The following SLC35D1 variants were observed in gnomAD, a reference collection of about 807,000 sequenced individuals.
SLC35D1 encodes nucleotide sugar transporter SLC35D1.
SLC35D1 carries 31 observed loss-of-function variants against 46.7 expected under a neutral mutation model. The ratio of observed to expected loss-of-function variants is 0.66; its 90% CI spans 0.50 to 0.90. The LOEUF is 0.90. Ranked by LOEUF, SLC35D1 falls within the 40% of genes least tolerant of loss-of-function variation. SLC35D1 has a pLI of 0.00. For synonymous variants in SLC35D1, 195 were observed against 164.6 expected, an observed-to-expected ratio of 1.18 and a Z score of -1.41; for missense variants, 397 against 426.2, an observed-to-expected ratio of 0.93 and a Z score of 0.60.
In SLC35D1 at chr1:67,002,743, CCTAA is replaced by C. The variant is rs1051118173; in HGVS notation, c.*1593_*1596del. 18 of 152,328 alleles carry C rather than the reference CCTAA, an allele frequency of 1.2e-4. No individual in the cohort carries two copies. The highest frequency in any genetic ancestry group is 2.6e-4 in the African/African-American group (11 of 41,522). The allele number at this position is 152,328 out of a possible 1,614,324, so 9.4% of individuals were successfully genotyped here. A position where few individuals can be genotyped will look rare whatever the true frequency, so the allele number is the denominator to read the frequency against. On this transcript the variant is annotated 3_prime_UTR_variant, in exon 12 of 12. Transcript: ENST00000235345. ...TTTGCATATCAAAAAAAATCAAAAC[CCTAA>C]CTGTTTAGGTCAACAGAGTCCAGTG...
the SLC35D1 span, among the ~76,000 whole-genome samples, chr1:66,976,085 C>T: frequency 5.9e-5 from 9 of 152,132 alleles, no homozygotes; most frequent in African/African-American, 2.2e-4. Flanking sequence ...CCCCCACCCC[C>T]ACCCCCTGCT....
chr1:66,989,180 C>A, the SLC35D1 span, among the ~76,000 whole-genome samples: 1 of 152,206 alleles, frequency 6.6e-6, no homozygotes, highest in South Asian at 2.1e-4. Flanking sequence ...TCTTGTCATT[C>A]ACTGTTCCAT....
At chr1:66,991,528 A>C in the SLC35D1 span, among the ~76,000 whole-genome samples, 1 of 152,232 alleles carries the variant, frequency 6.6e-6, no homozygotes, top group African/African-American at 2.4e-5. Flanking sequence ...AGTGTTTCTG[A>C]ACCACTGTCA....
the SLC35D1 span, among the ~76,000 whole-genome samples, chr1:66,991,983 C>A: frequency 6.6e-6 from 1 of 152,038 alleles, no homozygotes; most frequent in Non-Finnish European, 1.5e-5. Flanking sequence ...AAATGGGATA[C>A]CTTAAAGGGA....
At chr1:67,036,310 T>C (rs1421679017) in intron 8 of SLC35D1, among the ~76,000 whole-genome samples, 1 of 152,166 alleles carries the variant, frequency 6.6e-6, no homozygotes, top group Non-Finnish European at 1.5e-5. Flanking sequence ...TGTATTGGGA[T>C]CTATCTCTCT....
At chr1:67,047,771 C>T (rs1645267179) in intron 6 of SLC35D1, among the ~76,000 whole-genome samples, 1 of 152,188 alleles carries the variant, frequency 6.6e-6, no homozygotes, top group African/African-American at 2.4e-5. Context: ...TGAAGGTCCA[C>T]ATGAAAGGTA....
intron 1 of SLC35D1, 123 bp from the exon 2 acceptor site, chr1:67,053,112 T>G (rs1489156362): frequency 1.5e-5 from 17 of 1,135,234 alleles, no homozygotes. Context: ...CGTCCGCCCC[T>G]AAATCAAACA....
At chr1:67,050,586 T>A in intron 4 of SLC35D1, 82 bp from the exon 5 acceptor site, 1 of 1,077,674 alleles carries the variant, frequency 9.3e-7, no homozygotes, top group Non-Finnish European at 1.4e-6. Flanking sequence ...GTAGTTAAAA[T>A]AATGCTATTC....
intron 10 of SLC35D1, among the ~76,000 whole-genome samples, chr1:67,016,561 T>G (rs1667690430): frequency 6.6e-6 from 1 of 152,108 alleles, no homozygotes; most frequent in African/African-American, 2.4e-5. Flanking sequence ...AAGACTAATT[T>G]TTATGACTTC....
At chr1:66,992,848 G>A in the SLC35D1 span, among the ~76,000 whole-genome samples, 1 of 152,202 alleles carries the variant, frequency 6.6e-6, no homozygotes, top group Non-Finnish European at 1.5e-5. Context: ...AAGACTATTA[G>A]GCAGATAAAA....
chr1:67,015,793 A>T (rs1475913039), intron 10 of SLC35D1, among the ~76,000 whole-genome samples: 1 of 152,244 alleles, frequency 6.6e-6, no homozygotes, highest in African/African-American at 2.4e-5. Flanking sequence ...GGTAGAGGGA[A>T]AAACAGATTC....
intron 8 of SLC35D1, among the ~76,000 whole-genome samples, chr1:67,036,411 GTTAAT>G (rs1668124090): frequency 6.6e-6 from 1 of 151,882 alleles, no homozygotes; most frequent in African/African-American, 2.4e-5. Context: ...CATTTATTTG[GTTAAT>G]TTAAGTTAAT....
intron 1 of SLC35D1, 100 bp from the exon 2 acceptor site, chr1:67,053,089 C>T (rs200027353): frequency 7.6e-7 from 1 of 1,311,636 alleles, no homozygotes; most frequent in African/African-American, 1.5e-5. Flanking sequence ...CATTCCGATA[C>T]AAGCCACATC....
intron 9 of SLC35D1, among the ~76,000 whole-genome samples, chr1:67,021,203 A>G (rs1308160754): frequency 6.6e-6 from 1 of 152,246 alleles, no homozygotes; most frequent in African/African-American, 2.4e-5. Context: ...TGCCACCTAC[A>G]AAGTGCGCAA....
Position 67,049,827 on chromosome 1 carries a change from T to G in SLC35D1, c.488A>C (p.Lys163Thr). 1 of 1,613,844 alleles carries G rather than the reference T, an allele frequency of 6.2e-7. No homozygotes were observed. The highest frequency in any genetic ancestry group is 8.5e-7 in the Non-Finnish European group (1 of 1,179,828). Residue 163 changes from lysine to threonine, a missense_variant, in exon 6 of 12, where the codon AAA becomes ACA. Transcript: ENST00000235345. ...LLKKTFSWGI[K>T]MTVFAMIIGA... ...AATAATCATTGCAAATACAGTCATT[T>G]TAATACCCCAAGAAAAAGTCTTCCT...
At chr1:67,018,714 G>A (rs1367705731) in intron 10 of SLC35D1, among the ~76,000 whole-genome samples, 3 of 152,162 alleles carry the variant, frequency 2.0e-5, no homozygotes, top group African/African-American at 7.2e-5. Context: ...AATGCTGACC[G>A]AAGGATTTGC....
the SLC35D1 span, among the ~76,000 whole-genome samples, chr1:66,991,508 A>AAACTT: frequency 6.6e-6 from 1 of 152,220 alleles, no homozygotes; most frequent in South Asian, 2.1e-4. Context: ...CCTATGTGAC[A>AAACTT]AACTTAGGAA....
chr1:66,975,551 A>C, the SLC35D1 span, among the ~76,000 whole-genome samples: 5 of 151,942 alleles, frequency 3.3e-5, no homozygotes, highest in African/African-American at 1.2e-4. Context: ...AGAAAGGAAA[A>C]AAGTTATCAG....
At chr1:67,028,171 C>A (rs1328611663) in intron 8 of SLC35D1, among the ~76,000 whole-genome samples, 1 of 152,176 alleles carries the variant, frequency 6.6e-6, no homozygotes, top group South Asian at 2.1e-4. Context: ...CCATTAATTT[C>A]TACCTTAATA....
Sources: gnomAD v4.1 joint callset for allele counts (sites outside exome capture counted in the v4.1 genomes callset) on GRCh38, gnomAD v4.1.1 for gene constraint, MANE v1.5 for transcripts, NCBI Gene and HGNC (gene_info 2026-07-23, HGNC 2026-07-21) for gene names.